LY86: variants seen among roughly 807,000 people sequenced by gnomAD.
The protein encoded by LY86 is MD-1, RP105-associated.
Under a neutral mutation model 17.3 loss-of-function variants are expected in LY86, and 20 were observed. The observed-to-expected ratio is 1.15, with a 90% CI of 0.81 to 1.68. The LOEUF (loss-of-function observed/expected upper bound fraction) is 1.68. LY86 is among the 40% of genes most tolerant of loss of function. LY86 has a pLI of 0.00. For missense variants in LY86, 200 were observed against 191.9 expected (o/e 1.04, Z -0.25); for synonymous variants, 74 against 70.6 (o/e 1.05, Z -0.24).
intron 3 of LY86, 96 bp from the exon 4 acceptor site, chr6:6,649,529 A>G (rs1339691522): frequency 4.0e-6 from 3 of 749,370 alleles, no homozygotes; most frequent in Non-Finnish European, 4.4e-6. Context: ...TTTGGTGCCA[A>G]TAATTGTCAC....
intron 1 of LY86, among the ~76,000 whole-genome samples, chr6:6,590,192 C>A (rs7765802): frequency 0.36 from 54,097 of 150,476 alleles, 9,834 homozygotes; most frequent in East Asian, 0.53. Context: ...AGTCCCCCCC[C>A]AGTCTGCTAG....
At chr6:6,599,306 T>A (rs541518323) in intron 1 of LY86, among the ~76,000 whole-genome samples, 1 of 152,184 alleles carries the variant, frequency 6.6e-6, no homozygotes, top group African/African-American at 2.4e-5. Context: ...GTCTTCCTAT[T>A]TCTAGGAACT....
At chr6:6,653,453 G>A (rs1762216219) in intron 4 of LY86, among the ~76,000 whole-genome samples, 1 of 152,192 alleles carries the variant, frequency 6.6e-6, no homozygotes, top group African/African-American at 2.4e-5. Flanking sequence ...CCAGATTCGT[G>A]TCTACAAACA....
At chr6:6,594,839 G>A (rs1189796105) in intron 1 of LY86, among the ~76,000 whole-genome samples, 1 of 152,154 alleles carries the variant, frequency 6.6e-6, no homozygotes. Context: ...TCCATTTTCT[G>A]GATATAGAAA....
Position 6,610,775 on chromosome 6 carries a change from T to C in LY86, c.137-14151T>C, listed in dbSNP as rs183003921. ...TTTGATGTCACACTATGAGCACAAA[T>C]GGTGTAGAAATTCTATTCCACAACA... On this transcript the variant is annotated intron_variant, in intron 1 of 4. Coordinates refer to ENST00000230568, the MANE Select transcript of LY86 (RefSeq NM_004271.4). Among the ~76,000 whole-genome samples, 670 of 152,300 alleles carry C rather than the reference T, an allele frequency of 4.4e-3. 3 individuals carry two copies. The highest frequency in any genetic ancestry group is 0.016 in the African/African-American group (645 of 41,556).
chr6:6,609,848 A>T lies in LY86; in HGVS notation c.137-15078A>T, dbSNP rs186267157. On this transcript the variant is annotated intron_variant, in intron 1 of 4. Transcript: ENST00000230568. ...AATTATTGTGTGTCCATTAAAATTT[A>T]AAAAAAAAAAAAGAATTCGTGCTTG... 1.7e-3 allele frequency among the ~76,000 whole-genome samples: 242 copies of T among 144,378 alleles called. 10 individuals carry two copies. The East Asian group carries it at 0.043, about 26-fold the overall frequency. The allele number at this position is 144,378 out of a possible 152,430, so 94.7% of individuals were successfully genotyped here. A position where few individuals can be genotyped will look rare whatever the true frequency, so the allele number is the denominator to read the frequency against.
At chr6:6,589,392 G>A (rs956422289) in intron 1 of LY86, among the ~76,000 whole-genome samples, 3 of 152,176 alleles carry the variant, frequency 2.0e-5, no homozygotes, top group African/African-American at 4.8e-5. Flanking sequence ...CAAGCACTTC[G>A]CATGCAGCTA....
intron 1 of LY86, among the ~76,000 whole-genome samples, chr6:6,606,044 C>T (rs1044475448): frequency 6.6e-6 from 1 of 152,216 alleles, no homozygotes; most frequent in African/African-American, 2.4e-5. Context: ...ACTACTCAAG[C>T]AGGTTACTGC....
At chr6:6,641,081 C>T (rs755586857) in intron 3 of LY86, among the ~76,000 whole-genome samples, 1 of 152,208 alleles carries the variant, frequency 6.6e-6, no homozygotes, top group Non-Finnish European at 1.5e-5. Flanking sequence ...AAAAACACCT[C>T]AGCAACTATT....
At chr6:6,611,812 G>A (rs549478921) in intron 1 of LY86, among the ~76,000 whole-genome samples, 31 of 152,218 alleles carry the variant, frequency 2.0e-4, no homozygotes, top group Non-Finnish European at 3.5e-4. Context: ...TTAACAATCG[G>A]ACCGATAAAA....
At chr6:6,599,734 T>G (rs1760839330) in intron 1 of LY86, among the ~76,000 whole-genome samples, 1 of 152,206 alleles carries the variant, frequency 6.6e-6, no homozygotes, top group South Asian at 2.1e-4. Flanking sequence ...ATAAAGAGCC[T>G]CAGGGCTTCA....
chr6:6,588,923 G>C, intron 1 of LY86, 53 bp downstream of exon 1: 1 of 1,584,164 alleles, frequency 6.3e-7, no homozygotes, highest in Non-Finnish European at 8.6e-7. Flanking sequence ...AAGGCCCACA[G>C]ATGTGAGCCG....
intron 1 of LY86, among the ~76,000 whole-genome samples, chr6:6,616,892 G>A (rs565106089): frequency 3.3e-5 from 5 of 152,296 alleles, no homozygotes; most frequent in Middle Eastern, 3.4e-3. Flanking sequence ...CGTAAGAACC[G>A]CAGACATGAA....
intron 1 of LY86, among the ~76,000 whole-genome samples, chr6:6,612,438 C>A (rs2326812): frequency 7.9e-5 from 12 of 152,090 alleles, no homozygotes; most frequent in Admixed American, 5.2e-4. Context: ...AAACCGCAAA[C>A]CTTCATGGGG....
intron 1 of LY86, among the ~76,000 whole-genome samples, chr6:6,611,853 A>G (rs1761347751): frequency 6.6e-6 from 1 of 152,134 alleles, no homozygotes; most frequent in Non-Finnish European, 1.5e-5. Context: ...CTGTCAATCT[A>G]GCATCTCTCC....
Position 6,625,027 on chromosome 6 carries a change from T to A in LY86, c.223+15T>A. 2 of 1,195,816 alleles carry A rather than the reference T, an allele frequency of 1.7e-6. No individual in the cohort carries two copies. Among genetic ancestry groups the A allele is most frequent in the Middle Eastern group, 1.9e-4 (1 of 5,228 alleles). The allele number at this position is 1,195,816 out of a possible 1,614,324, so 74.1% of individuals were successfully genotyped here. ...AATTATTCTGAGTAAGTAAAAAAAATGATTAGCATGAAATAAAACATTGCA... is the reference window on the plus strand; with the variant it reads ...AATTATTCTGAGTAAGTAAAAAAAAAGATTAGCATGAAATAAAACATTGCA... On this transcript the variant is annotated intron_variant, in intron 2 of 4. Transcript: ENST00000230568.
At chr6:6,637,062 G>A (rs1761970871) in intron 3 of LY86, among the ~76,000 whole-genome samples, 1 of 147,236 alleles carries the variant, frequency 6.8e-6, no homozygotes, top group Admixed American at 6.8e-5. Flanking sequence ...CCAGGCTGGA[G>A]TGCAGTGTGA....
chr6:6,608,408 G>A (rs577521871), intron 1 of LY86, among the ~76,000 whole-genome samples: 12 of 152,246 alleles, frequency 7.9e-5, no homozygotes, highest in African/African-American at 2.6e-4. Context: ...ATCATTATAC[G>A]TATCGACTAC....
chr6:6,633,888 T>A (rs1329410269), intron 3 of LY86, among the ~76,000 whole-genome samples: 1 of 136,024 alleles, frequency 7.4e-6, no homozygotes, highest in African/African-American at 2.7e-5. Flanking sequence ...GCGAGTTAAA[T>A]AAATTGTGTG....
Sources: allele counts gnomAD v4.1 joint callset (sites outside exome capture counted in the v4.1 genomes callset), GRCh38; gene constraint gnomAD v4.1.1; transcripts MANE v1.5; gene names NCBI Gene and HGNC (gene_info 2026-07-23, HGNC 2026-07-21).